The following PCDH15 variants were observed in gnomAD, a reference collection of about 807,000 sequenced individuals.
The protein encoded by PCDH15 is protocadherin related 15.
A neutral mutation model predicts 178.5 loss-of-function variants in PCDH15; 129 were observed. The ratio of observed to expected loss-of-function variants is 0.72; its 90% CI spans 0.63 to 0.84. The LOEUF (loss-of-function observed/expected upper bound fraction) is 0.84. Among genes scored for constraint, PCDH15 ranks in the 40% least tolerant of loss-of-function variants. PCDH15 has a pLI of 0.00. For missense variants in PCDH15, 2,230 were observed against 2,099.9 expected (o/e 1.06, Z -1.21); for synonymous variants, 800 against 732.0 (o/e 1.09, Z -1.50).
chr10:54,643,025 C>T (rs372686251), intron 2 of PCDH15, among the ~76,000 whole-genome samples: 354 of 152,264 alleles, frequency 2.3e-3, no homozygotes, highest in African/African-American at 7.9e-3. Context: ...TGGGCTCAAG[C>T]GATTCTCCTG....
intron 11 of PCDH15, among the ~76,000 whole-genome samples, chr10:54,188,535 T>C (rs1001340513): frequency 2.0e-5 from 3 of 151,898 alleles, no homozygotes; most frequent in African/African-American, 7.2e-5. Context: ...ATCCAGTCAG[T>C]ATATACCAAA....
chr10:54,010,035 C>A (rs2092523474), intron 20 of PCDH15, among the ~76,000 whole-genome samples: 1 of 152,186 alleles, frequency 6.6e-6, no homozygotes, highest in Non-Finnish European at 1.5e-5. Flanking sequence ...CTCAGCTGCA[C>A]CTTGCAGGAT....
chr10:53,937,580 T>C (rs935276438), intron 25 of PCDH15, among the ~76,000 whole-genome samples: 6 of 152,188 alleles, frequency 3.9e-5, no homozygotes, highest in African/African-American at 1.4e-4. Flanking sequence ...TTCAATTCCT[T>C]TAATTTCAAA....
chr10:55,436,683 T>C (rs1452745387), intron 2 of PCDH15, among the ~76,000 whole-genome samples: 1 of 152,130 alleles, frequency 6.6e-6, no homozygotes, highest in East Asian at 1.9e-4. Context: ...AATCTACCGA[T>C]ATTAATTGTC....
rs757718168 is a variant in PCDH15 at position 53,811,626 on chromosome 10, T to C, written c.4492-7A>G. 2 of 1,533,954 alleles carry C rather than the reference T, an allele frequency of 1.3e-6. No individual in the cohort carries two copies. The highest frequency in any genetic ancestry group is 2.7e-5 in the South Asian group (2 of 73,686). On this transcript the variant is annotated splice_region_variant and splice_polypyrimidine_tract_variant and intron_variant, in intron 35 of 37. Transcript: ENST00000644397. The stretch of plus-strand genomic sequence containing the variant: ...CAGACTCCATGGATAATTCCTATTG[T>C]TCAAAAAGAAAAATTGCATTTGAAA...
intron 13 of PCDH15, among the ~76,000 whole-genome samples, chr10:54,167,199 C>A (rs1438413025): frequency 6.6e-6 from 1 of 152,116 alleles, no homozygotes; most frequent in Non-Finnish European, 1.5e-5. Flanking sequence ...TTCTTTGCTC[C>A]CTGAGAAAGA....
intron 2 of PCDH15, among the ~76,000 whole-genome samples, chr10:55,062,017 T>C (rs1474429456): frequency 6.6e-6 from 1 of 152,174 alleles, no homozygotes; most frequent in African/African-American, 2.4e-5. Context: ...AGACTCATTC[T>C]CAAAAAAGTA....
At chr10:54,415,304 T>C (rs973915841) in intron 3 of PCDH15, among the ~76,000 whole-genome samples, 3 of 151,894 alleles carry the variant, frequency 2.0e-5, no homozygotes, top group Admixed American at 2.0e-4. Flanking sequence ...AGTATTACTA[T>C]GAAACAAAAG....
At chr10:54,062,241 AAAAAAAAAAAACAAAAAAC>A (rs1413338243) in intron 18 of PCDH15, among the ~76,000 whole-genome samples, 1 of 144,184 alleles carries the variant, frequency 6.9e-6, no homozygotes, top group Non-Finnish European at 1.5e-5. Flanking sequence ...AAAAAAAAAA[AAAAAAAAAAAACAAAAAAC>A]AACTAAATGA....
chr10:54,655,457 G>A, intron 2 of PCDH15: 1 of 151,430 alleles, frequency 6.6e-6, no homozygotes, highest in Non-Finnish European at 1.5e-5. Flanking sequence ...GTGTGTGTGT[G>A]TGTGTGTGTG....
At chr10:54,399,706 A>G (rs1411454118) in intron 3 of PCDH15, among the ~76,000 whole-genome samples, 1 of 152,118 alleles carries the variant, frequency 6.6e-6, no homozygotes, top group African/African-American at 2.4e-5. Context: ...AGCCCAGCCC[A>G]AGAGAATCAC....
intron 9 of PCDH15, among the ~76,000 whole-genome samples, chr10:54,225,120 C>T (rs984932695): frequency 2.0e-5 from 3 of 152,020 alleles, no homozygotes; most frequent in Admixed American, 6.6e-5. Context: ...TATGACAATG[C>T]TTCTGATTGT....
At chr10:54,943,946 A>G (rs1838125292) in intron 2 of PCDH15, among the ~76,000 whole-genome samples, 1 of 151,884 alleles carries the variant, frequency 6.6e-6, no homozygotes, top group Non-Finnish European at 1.5e-5. Context: ...TTTCTATCCC[A>G]CAGCAAGAAA....
intron 2 of PCDH15, among the ~76,000 whole-genome samples, chr10:55,087,416 G>A (rs1842199536): frequency 6.6e-6 from 1 of 152,166 alleles, no homozygotes; most frequent in Non-Finnish European, 1.5e-5. Context: ...TGAAATGTTT[G>A]GCTGATAAGC....
chr10:55,427,046 A>C (rs1838775380), intron 2 of PCDH15, among the ~76,000 whole-genome samples: 1 of 152,048 alleles, frequency 6.6e-6, no homozygotes, highest in African/African-American at 2.4e-5. Flanking sequence ...CAGGGATGTA[A>C]GTTCTCACTT....
chr10:55,247,890 T>TG (rs1841724848), intron 1 of PCDH15: 1 of 114,110 alleles, frequency 8.8e-6, no homozygotes, highest in Non-Finnish European at 1.7e-5. Context: ...AGACGCTGTC[T>TG]GGAAAAAAAA....
chr10:54,403,655 C>T (rs1297950869), intron 3 of PCDH15, among the ~76,000 whole-genome samples: 1 of 151,836 alleles, frequency 6.6e-6, no homozygotes, highest in East Asian at 1.9e-4. Flanking sequence ...TCAAACTACC[C>T]CTGCTAGCAC....
At chr10:55,412,479 T>C (rs1018609381) in intron 2 of PCDH15, among the ~76,000 whole-genome samples, 4 of 151,780 alleles carry the variant, frequency 2.6e-5, no homozygotes, top group Non-Finnish European at 5.9e-5. Context: ...GTAGTGAACA[T>C]AAAAGAAGTA....
chr10:55,539,207 A>G (rs186946132), intron 2 of PCDH15, among the ~76,000 whole-genome samples: 89 of 152,114 alleles, frequency 5.9e-4, no homozygotes, highest in Middle Eastern at 3.4e-3. Context: ...AGTGTTTTTG[A>G]AGTAATACAC....
Sources: allele counts gnomAD v4.1 joint callset (sites outside exome capture counted in the v4.1 genomes callset), GRCh38; gene constraint gnomAD v4.1.1; transcripts MANE v1.5; gene names NCBI Gene and HGNC (gene_info 2026-07-23, HGNC 2026-07-21).